Variants in ADGRL3 observed in about 807,000 individuals in gnomAD.
ADGRL3 encodes calcium-independent alpha-latrotoxin receptor 3.
A neutral mutation model predicts 153.5 loss-of-function variants in ADGRL3; 62 were observed. The observed-to-expected ratio is 0.40, with a 90% confidence interval of 0.33 to 0.50. The LOEUF is 0.50. Among genes scored for constraint, ADGRL3 ranks in the 20% least tolerant of loss-of-function variants. The probability of loss-of-function intolerance (pLI) is 0.47; values close to 1 mark genes in which losing one functional copy is unlikely to be tolerated. For missense variants in ADGRL3, 1,641 were observed against 1,859.4 expected (o/e 0.88, Z 2.16); for synonymous variants, 710 against 672.5 (o/e 1.06, Z -0.86).
At chr4:61,937,869 G>A (rs553317353) in intron 15 of ADGRL3, among the ~76,000 whole-genome samples, 1 of 152,228 alleles carries the variant, frequency 6.6e-6, no homozygotes, top group African/African-American at 2.4e-5. Context: ...GTCAAATTAA[G>A]TTGTGTGTTC....
chr4:61,708,902 T>C (rs1179533482), intron 6 of ADGRL3, among the ~76,000 whole-genome samples: 1 of 152,056 alleles, frequency 6.6e-6, no homozygotes, highest in Non-Finnish European at 1.5e-5. Context: ...CTCTGCCTCC[T>C]GGGTTCAAGT....
intron 4 of ADGRL3, among the ~76,000 whole-genome samples, chr4:61,534,054 T>C (rs1261247793): frequency 6.6e-6 from 1 of 152,130 alleles, no homozygotes; most frequent in Non-Finnish European, 1.5e-5. Flanking sequence ...TTTTCTAGGT[T>C]TTCTCCTAGG....
chr4:61,761,585 G>T (rs921157602), intron 8 of ADGRL3, among the ~76,000 whole-genome samples: 2 of 152,046 alleles, frequency 1.3e-5, no homozygotes, highest in Non-Finnish European at 2.9e-5. Context: ...CTTGAAGCGA[G>T]GATTTCAATA....
chr4:61,946,424 TG>T (rs1304455175), intron 15 of ADGRL3, among the ~76,000 whole-genome samples: 6 of 152,162 alleles, frequency 3.9e-5, no homozygotes, highest in Non-Finnish European at 8.8e-5. Flanking sequence ...TATTTTTTGT[TG>T]GTAAAAATGT....
At chr4:61,838,618 A>G (rs1239827397) in intron 9 of ADGRL3, among the ~76,000 whole-genome samples, 1 of 152,194 alleles carries the variant, frequency 6.6e-6, no homozygotes, top group African/African-American at 2.4e-5. Context: ...AATGCTTAAC[A>G]TCTTTGACTA....
chr4:61,989,471 A>C (rs535842345), intron 19 of ADGRL3, among the ~76,000 whole-genome samples: 28 of 152,192 alleles, frequency 1.8e-4, no homozygotes, highest in African/African-American at 6.5e-4. Context: ...TCATCATTCA[A>C]TATGTCTACA....
At chr4:62,044,578 T>G (rs2151679604) in intron 25 of ADGRL3, 29 bp downstream of exon 25, 1 of 1,415,720 alleles carries the variant, frequency 7.1e-7, no homozygotes, top group Non-Finnish European at 9.7e-7. Flanking sequence ...TCATATTTAT[T>G]ACTTTTCTGA....
intron 2 of ADGRL3, among the ~76,000 whole-genome samples, chr4:61,413,675 A>G (rs1461035412): frequency 2.6e-5 from 4 of 152,060 alleles, no homozygotes; most frequent in South Asian, 2.1e-4. Flanking sequence ...TTACTGGGCC[A>G]TTTTCGGTCT....
intron 17 of ADGRL3, among the ~76,000 whole-genome samples, chr4:61,951,682 A>G (rs2098947839): frequency 6.6e-6 from 1 of 152,062 alleles, no homozygotes; most frequent in Admixed American, 6.6e-5. Context: ...CCTCGGCAAC[A>G]TGGCAGAACT....
At chr4:61,757,190 G>A (rs2096844987) in intron 8 of ADGRL3, among the ~76,000 whole-genome samples, 1 of 152,122 alleles carries the variant, frequency 6.6e-6, no homozygotes, top group African/African-American at 2.4e-5. Context: ...GTTTCAGAAG[G>A]CATGGTACCA....
intron 6 of ADGRL3, among the ~76,000 whole-genome samples, chr4:61,703,413 A>G (rs1188744679): frequency 2.0e-5 from 3 of 152,168 alleles, no homozygotes; most frequent in Admixed American, 1.3e-4. Flanking sequence ...GTTTATTTCA[A>G]TTACTAAGCT....
chr4:61,979,830 C>T (rs910193285), intron 18 of ADGRL3, 58 bp downstream of exon 18: 63 of 1,335,074 alleles, frequency 4.7e-5, no homozygotes, highest in South Asian at 1.6e-4. Flanking sequence ...TTTTCAGTAG[C>T]GCCAATACTA....
intron 5 of ADGRL3, among the ~76,000 whole-genome samples, chr4:61,648,292 T>C (rs2094115704): frequency 6.6e-6 from 1 of 151,612 alleles, no homozygotes; most frequent in Non-Finnish European, 1.5e-5. Context: ...AAGAAATCTT[T>C]TATACTTAAT....
intron 8 of ADGRL3, among the ~76,000 whole-genome samples, chr4:61,800,649 A>T (rs981744111): frequency 6.6e-6 from 1 of 152,228 alleles, no homozygotes; most frequent in Non-Finnish European, 1.5e-5. Context: ...ATAACGGAAG[A>T]TACTTGTTAG....
intron 8 of ADGRL3, chr4:61,775,999 CA>C: frequency 6.2e-6 from 1 of 162,578 alleles, no homozygotes; most frequent in Non-Finnish European, 1.3e-5. Flanking sequence ...CTCGAGGGTT[CA>C]TGCCATTCTC....
At chr4:61,967,474 T>C (rs1159944564) in intron 17 of ADGRL3, among the ~76,000 whole-genome samples, 1 of 152,198 alleles carries the variant, frequency 6.6e-6, no homozygotes, top group Non-Finnish European at 1.5e-5. Flanking sequence ...GTCAGTCCAA[T>C]GTGATAACAT....
intron 3 of ADGRL3, 89 bp downstream of exon 3, chr4:61,497,437 C>T: frequency 2.8e-6 from 2 of 722,372 alleles, no homozygotes; most frequent in East Asian, 3.0e-5. Flanking sequence ...TCTGAGACTG[C>T]TTTGTAGTTT....
intron 19 of ADGRL3, among the ~76,000 whole-genome samples, chr4:61,995,781 G>C (rs2099119620): frequency 1.3e-5 from 2 of 152,078 alleles, no homozygotes; most frequent in South Asian, 4.1e-4. Flanking sequence ...CACTTTTTAA[G>C]ACTCCAGAAA....
chr4:62,045,224 T>A (rs1730495512), intron 25 of ADGRL3, among the ~76,000 whole-genome samples: 1 of 151,880 alleles, frequency 6.6e-6, no homozygotes, highest in Non-Finnish European at 1.5e-5. Context: ...TTTCTCTGTC[T>A]CTCTTTCTCT....
Sources: gnomAD v4.1 joint callset for allele counts (sites outside exome capture counted in the v4.1 genomes callset) on GRCh38, gnomAD v4.1.1 for gene constraint, MANE v1.5 for transcripts, NCBI Gene and HGNC (gene_info 2026-07-23, HGNC 2026-07-21) for gene names.